The following PLXNB2 variants were observed in gnomAD, a reference collection of about 807,000 sequenced individuals.
The protein encoded by PLXNB2 is plexin B2.
Under a neutral mutation model 202.6 loss-of-function variants are expected in PLXNB2, and 85 were observed. That is an observed-to-expected ratio of 0.42 (90% CI 0.35 to 0.50). PLXNB2 has a LOEUF of 0.50. Among genes scored for constraint, PLXNB2 ranks in the 20% least tolerant of loss-of-function variants. The pLI, the probability that PLXNB2 is intolerant of heterozygous loss-of-function variation, is 0.02. For synonymous variants in PLXNB2, 1,239 were observed against 1,137.6 expected (o/e 1.09, Z -1.79); for missense variants, 2,063 against 2,586.2 (o/e 0.80, Z 4.39).
rs562853077 is a variant in PLXNB2 at position 50,283,388 on chromosome 22, G to A, written c.2628C>T (p.Asp876=). 187 of 1,613,180 alleles carry A rather than the reference G, an allele frequency of 1.2e-4. 3 individuals are homozygous for A. The South Asian group carries it at 1.8e-3, about 16-fold the overall frequency. Residue 876 remains aspartate, a synonymous_variant, in exon 16 of 37, where the codon GAC becomes GAT. Transcript: ENST00000359337. The part of the protein sequence containing the change: ...ETPFTGGVEV[D]VFGKLGRSPP... Reference sequence around the variant, plus strand: ...GCGAACGGCCCAGTTTCCCGAAGACGTCCACCTCGACACCCCCCGTGAAAG... The same window carrying A: ...GCGAACGGCCCAGTTTCCCGAAGACATCCACCTCGACACCCCCCGTGAAAG...
Position 50,290,548 on chromosome 22 carries a change from G to C in PLXNB2, c.37C>G (p.Leu13Val), listed in dbSNP as rs1476297870. 2.5e-6 allele frequency: 4 copies of C among 1,611,464 alleles called. No individual in the cohort carries two copies. Among genetic ancestry groups the C allele is most frequent in the East Asian group, 2.2e-5 (1 of 44,860 alleles). ...LQLWALTLLGLLGAGASLRPR... is the reference protein window; with the variant it reads ...LQLWALTLLGVLGAGASLRPR... ...CTCAGGCTGGCACCTGCGCCCAGCA[G>C]GCCCAGCAGGGTCAGGGCCCAGAGC... The change falls in exon 3 of 37, where the codon CTG becomes GTG. Residue 13 changes from leucine (L) to valine (V), a missense_variant. Physicochemically the swap from Leu to Val is conservative, Grantham distance 32 (BLOSUM62 1). Transcript: ENST00000359337.
In PLXNB2 at chr22:50,280,475, C is replaced by T. The variant is rs1249280304; in HGVS notation, c.4175+14G>A. The stretch of plus-strand genomic sequence containing the variant: ...CCCGCCCGTGGCCCCGCTCGTGGCC[C>T]CGCCCATGTGCACCTGCGCAGCATC... On this transcript the variant is annotated intron_variant, in intron 25 of 36. Transcript: ENST00000359337. 1 of 1,591,914 alleles carries T rather than the reference C, an allele frequency of 6.3e-7. No homozygotes were observed. Among genetic ancestry groups the T allele is most frequent in the South Asian group, 1.1e-5 (1 of 90,222 alleles).
At position 50,282,733 on chromosome 22, in the gene PLXNB2, C is replaced by G. The variant is rs754762851; in HGVS notation, c.2965G>C (p.Glu989Gln). The G allele has an allele frequency of 6.4e-7, 1 of 1,555,026 alleles. No homozygotes were observed. Among genetic ancestry groups the G allele is most frequent in the Admixed American group, 2.0e-5 (1 of 50,926 alleles). The change falls in exon 18 of 37, where the codon GAG (glutamate) becomes CAG (glutamine). Residue 989 changes from glutamate to glutamine, a missense_variant. Coordinates refer to ENST00000359337, the MANE Select transcript of PLXNB2 (RefSeq NM_012401.4). ...CACCTGGCAAAGCTTCGTAGCGGCTCGAAGGCTCGCAGTACGGGGTTTTCG... is the reference window on the plus strand; with the variant it reads ...CACCTGGCAAAGCTTCGTAGCGGCTGGAAGGCTCGCAGTACGGGGTTTTCG... Reference protein sequence around the residue: ...YRENPVLRAFEPLRSFASGGR... With the variant: ...YRENPVLRAFQPLRSFASGGR...
At position 50,290,135 on chromosome 22, in the gene PLXNB2, G is replaced by A. The variant is rs1331013290; in HGVS notation, c.450C>T (p.Gly150=). The A allele has an allele frequency of 5.6e-6, 9 of 1,612,922 alleles. No homozygotes were observed. The highest frequency in any genetic ancestry group is 2.2e-5 in the South Asian group (2 of 91,088). ...AGCTCACCAGCCCCACTGTGGCCACGCCCTCATCATTGCTGGCCACGAAAG... is the reference window on the plus strand; with the variant it reads ...AGCTCACCAGCCCCACTGTGGCCACACCCTCATCATTGCTGGCCACGAAAG... The part of the protein sequence containing the change: ...EKSFVASNDE[G]VATVGLVSST... The change falls in exon 3 of 37, where the codon GGC becomes GGT. Residue 150 remains glycine (G), a synonymous_variant. Transcript: ENST00000359337.
intron 27 of PLXNB2, among the ~76,000 whole-genome samples, chr22:50,279,297 C>T (rs2065828240): frequency 6.6e-6 from 1 of 152,250 alleles, no homozygotes; most frequent in South Asian, 2.1e-4. Flanking sequence ...AGAATACACA[C>T]GTCTCACACA....
In PLXNB2 at chr22:50,284,909, C is replaced by A; in HGVS notation, c.2089-244G>T. On this transcript the variant is annotated intron_variant, in intron 11 of 36. Transcript: ENST00000359337. This position sits in a 1 kb window ranked among gnomAD's most constrained non-coding sequence, Gnocchi z 8.0. The stretch of plus-strand genomic sequence containing the variant: ...CCCACGGCCACCTCCACCACTCATC[C>A]ACACCTGAGAACATCGCCCGGCCCA... 1 of 640,884 alleles carries A rather than the reference C, an allele frequency of 1.6e-6. No individual in the cohort carries two copies. Among genetic ancestry groups the A allele is most frequent in the Non-Finnish European group, 3.0e-6 (1 of 336,046 alleles). The allele number at this position is 640,884 out of a possible 1,614,324, so 39.7% of individuals were successfully genotyped here. A position where few individuals can be genotyped will look rare whatever the true frequency, so the allele number is the denominator to read the frequency against.
chr22:50,280,714 G>GGGCCCCCCCCCC, intron 24 of PLXNB2, 30 bp downstream of exon 24: 5 of 1,528,876 alleles, frequency 3.3e-6, no homozygotes, highest in Non-Finnish European at 4.4e-6. Flanking sequence ...CCACCTGTGT[G>GGGCCCCCCCCCC]CCCTCCCGCC....
intron 1 of PLXNB2, among the ~76,000 whole-genome samples, chr22:50,306,719 ACCCTCACCCTCAC>A (rs1440751875): frequency 1.4e-5 from 2 of 147,004 alleles, no homozygotes; most frequent in African/African-American, 2.6e-5. Flanking sequence ...CCTCACCCTC[ACCCTCACCCTCAC>A]CCCCTGTCCT....
At chr22:50,282,596 G>A (rs986396399) in intron 18 of PLXNB2, 115 bp downstream of exon 18, 10 of 769,122 alleles carry the variant, frequency 1.3e-5, no homozygotes, top group Non-Finnish European at 2.0e-5. Context: ...TCCGGAGGCC[G>A]CCTCCCGCTG....
At chr22:50,299,155 G>A (rs28607359) in intron 1 of PLXNB2, among the ~76,000 whole-genome samples, 1 of 152,052 alleles carries the variant, frequency 6.6e-6, no homozygotes, top group African/African-American at 2.4e-5. Context: ...CATGAAGAAC[G>A]AGGAGAGCTC....
chr22:50,283,974 G>A lies in PLXNB2; in HGVS notation c.2280C>T (p.Cys760=), dbSNP rs2066219722. The A allele has an allele frequency of 6.5e-7, 1 of 1,547,284 alleles. No homozygotes were observed. Among genetic ancestry groups the A allele is most frequent in the African/African-American group, 1.4e-5 (1 of 73,414 alleles). The change falls in exon 14 of 37, where the codon TGC becomes TGT. Residue 760 remains cysteine, a synonymous_variant. Transcript: ENST00000359337. Reference sequence around the variant, plus strand: ...GGCTGCAGTCGCTGCGGCCAAAGGAGCAGTTGTAGAGGGTCACTGCGGGGA... The same window carrying A: ...GGCTGCAGTCGCTGCGGCCAAAGGAACAGTTGTAGAGGGTCACTGCGGGGA... The part of the protein sequence containing the change: ...DSKLHVTLYN[C]SFGRSDCSLC...
chr22:50,278,333 G>A (rs1463225740), intron 30 of PLXNB2, 62 bp from the exon 31 acceptor site: 1 of 1,587,094 alleles, frequency 6.3e-7, no homozygotes, highest in Admixed American at 1.7e-5. Context: ...CCCACAGGGA[G>A]CAGTGGTGGC....
Position 50,285,109 on chromosome 22 carries a change from G to A in PLXNB2, c.2089-444C>T, listed in dbSNP as rs989156163. Among the ~76,000 whole-genome samples the A allele has an allele frequency of 2.2e-4, 34 of 152,090 alleles. 1 individual carries two copies. The highest frequency in any genetic ancestry group is 4.6e-4 in the Admixed American group (7 of 15,276). On this transcript the variant is annotated intron_variant, in intron 11 of 36. Coordinates refer to ENST00000359337, the MANE Select transcript of PLXNB2 (RefSeq NM_012401.4). The stretch of plus-strand genomic sequence containing the variant: ...GCCCTCTACCTCATGTGGGGGCCCC[G>A]AGTCGGGGGGCACGGGTGGAGCTCA...
chr22:50,282,657 G>A, intron 18 of PLXNB2, 54 bp downstream of exon 18: 2 of 1,319,380 alleles, frequency 1.5e-6, no homozygotes, highest in African/African-American at 1.4e-5. Flanking sequence ...CAAGGGCACT[G>A]AGGAGGCAGC....
At chr22:50,298,346 G>T (rs2067424942) in intron 1 of PLXNB2, among the ~76,000 whole-genome samples, 1 of 152,196 alleles carries the variant, frequency 6.6e-6, no homozygotes, top group South Asian at 2.1e-4. Flanking sequence ...GGGCACCTGT[G>T]GCCCTCTCCT....
chr22:50,295,939 T>A (rs113653012), intron 1 of PLXNB2, among the ~76,000 whole-genome samples: 2,295 of 152,026 alleles, frequency 0.015, 63 homozygotes, highest in African/African-American at 0.053. Context: ...CCATCTCTAC[T>A]AAAAGTACAA....
rs367804234 is a variant in PLXNB2, at chr22:50,277,913, T to C, written c.4988A>G (p.Glu1663Gly). 9 of 1,613,104 alleles carry C rather than the reference T, an allele frequency of 5.6e-6. No homozygotes were observed. In the African/African-American group the frequency reaches 1.1e-4, roughly 19 times the overall value. Residue 1663 changes from glutamate to glycine, a missense_variant, in exon 32 of 37, where the codon GAG becomes GGG. Coordinates refer to ENST00000359337, the MANE Select transcript of PLXNB2 (RefSeq NM_012401.4). The part of the protein sequence containing the change: ...AVKYFFDFLD[E>G]QAEKHNIQDE... ...CTGGATGTTGTGCTTCTCTGCCTGC[T>C]CGTCCAGGAAGTCGAAGAAGTACTT...
In PLXNB2 at chr22:50,278,487, C is replaced by A. The variant is rs764161574; in HGVS notation, c.4680G>T (p.Lys1560Asn). The A allele has an allele frequency of 1.3e-6, 2 of 1,562,624 alleles. No homozygotes were observed. The highest frequency in any genetic ancestry group is 2.3e-5 in the South Asian group (2 of 85,516). The change falls in exon 30 of 37, where the codon AAG becomes AAT. Residue 1560 changes from lysine (K) to asparagine (N), a missense_variant. By Grantham distance (94) the Lys-to-Asn change is moderately conservative. Around this residue, in one of 2 missense-constraint regions of PLXNB2, gnomAD observed 760 missense variants for 1,109.4 expected, o/e 0.69. Transcript: ENST00000359337. The part of the protein sequence containing the change: ...VRDGATLILS[K>N]VGVSQQPEDS... ...CCTCCGGCTGCTGGGAGACCCCCAC[C>A]TTGGACAGGATGAGGGTGGCTCCAT...
At chr22:50,282,445 A>T in intron 18 of PLXNB2, 132 bp from the exon 19 acceptor site, 1 of 853,686 alleles carries the variant, frequency 1.2e-6, no homozygotes. Context: ...CGGTGGGCAA[A>T]GGGGCAACGC....
Sources: allele counts gnomAD v4.1 joint callset (sites outside exome capture counted in the v4.1 genomes callset), GRCh38; gene constraint gnomAD v4.1.1; regional missense constraint gnomAD v4.1.1; non-coding constraint Gnocchi (gnomAD v3.1); transcripts MANE v1.5; gene names NCBI Gene and HGNC (gene_info 2026-07-23, HGNC 2026-07-21).